The following CLSTN2 variants were observed in gnomAD, a reference collection of about 807,000 sequenced individuals.
The protein encoded by CLSTN2 is calsyntenin-2.
In CLSTN2, 48 loss-of-function variants were observed where a neutral mutation model predicts 101.2. That is an observed-to-expected ratio of 0.47 (90% CI 0.38 to 0.60). The LOEUF is 0.60. Among genes scored for constraint, CLSTN2 ranks in the 20% least tolerant of loss-of-function variants. The probability of loss-of-function intolerance (pLI) is 0.00; values close to 1 mark genes in which losing one functional copy is unlikely to be tolerated. For synonymous variants in CLSTN2, 481 were observed against 463.6 expected, an observed-to-expected ratio of 1.04 and a Z score of -0.48; for missense variants, 1,160 against 1,238.2, an observed-to-expected ratio of 0.94 and a Z score of 0.95.
intron 1 of CLSTN2, among the ~76,000 whole-genome samples, chr3:139,982,900 T>G (rs1293516076): frequency 1.3e-5 from 2 of 151,608 alleles, no homozygotes; most frequent in Non-Finnish European, 2.9e-5. Context: ...ATATTATAGA[T>G]TACAAAGGGT....
intron 8 of CLSTN2, among the ~76,000 whole-genome samples, chr3:140,503,826 C>T (rs1252830236): frequency 6.6e-6 from 1 of 152,160 alleles, no homozygotes; most frequent in African/African-American, 2.4e-5. Context: ...TAGAAGTTTA[C>T]CCTCACATGA....
chr3:140,200,701 C>T (rs189110700), intron 2 of CLSTN2, among the ~76,000 whole-genome samples: 3 of 152,228 alleles, frequency 2.0e-5, no homozygotes, highest in Admixed American at 1.3e-4. Context: ...TATAATCAAA[C>T]ATTTGAAAGA....
At chr3:140,472,220 C>T (rs773684236) in intron 8 of CLSTN2, among the ~76,000 whole-genome samples, 5 of 152,128 alleles carry the variant, frequency 3.3e-5, no homozygotes, top group Non-Finnish European at 5.9e-5. Context: ...AGTCACAGCC[C>T]GAGTTCCCCA....
chr3:140,100,231 C>T (rs1347024834), intron 1 of CLSTN2, among the ~76,000 whole-genome samples: 1 of 151,816 alleles, frequency 6.6e-6, no homozygotes, highest in Non-Finnish European at 1.5e-5. Context: ...GATGACTCCC[C>T]TCATCTATTG....
intron 2 of CLSTN2, among the ~76,000 whole-genome samples, chr3:140,399,385 C>G (rs1458408033): frequency 2.0e-5 from 3 of 152,182 alleles, no homozygotes; most frequent in Admixed American, 6.5e-5. Flanking sequence ...TTTTAAATAT[C>G]TTTCTATCTA....
chr3:140,188,138 G>A (rs1227087190), intron 2 of CLSTN2, among the ~76,000 whole-genome samples: 4 of 152,172 alleles, frequency 2.6e-5, no homozygotes, highest in Admixed American at 1.3e-4. Context: ...CACTGAGTAG[G>A]TGCTCAAAGT....
chr3:140,326,864 G>C (rs540791977), intron 2 of CLSTN2, among the ~76,000 whole-genome samples: 2 of 152,152 alleles, frequency 1.3e-5, no homozygotes, highest in Non-Finnish European at 2.9e-5. Flanking sequence ...ACTCGCTTTA[G>C]ACATCTCTTT....
chr3:140,401,448 G>A (rs1431338899), intron 2 of CLSTN2, among the ~76,000 whole-genome samples: 1 of 152,164 alleles, frequency 6.6e-6, no homozygotes, highest in Non-Finnish European at 1.5e-5. Flanking sequence ...GAATTGTTCC[G>A]TAGATGGAAA....
intron 2 of CLSTN2, among the ~76,000 whole-genome samples, chr3:140,291,418 C>T (rs2086330): frequency 0.03 from 4,603 of 151,806 alleles, 134 homozygotes; most frequent in South Asian, 0.081. Context: ...TCTGCTGGAC[C>T]TCTCCCATCA....
At chr3:140,055,615 T>C (rs2008082179) in intron 1 of CLSTN2, among the ~76,000 whole-genome samples, 1 of 152,188 alleles carries the variant, frequency 6.6e-6, no homozygotes, top group Non-Finnish European at 1.5e-5. Flanking sequence ...ATTAAAACAA[T>C]AAAACTAAAG....
intron 8 of CLSTN2, among the ~76,000 whole-genome samples, chr3:140,500,120 C>T (rs566102013): frequency 6.6e-6 from 1 of 152,020 alleles, no homozygotes; most frequent in African/African-American, 2.4e-5. Flanking sequence ...AATTAGGGAA[C>T]TTCATGGGGA....
chr3:140,176,860 A>G (rs186048488), intron 2 of CLSTN2, among the ~76,000 whole-genome samples: 3 of 152,346 alleles, frequency 2.0e-5, no homozygotes, highest in Non-Finnish European at 4.4e-5. Flanking sequence ...AAGGTTTTCA[A>G]GATTTCTAGA....
chr3:140,046,543 T>A (rs867278811), intron 1 of CLSTN2, among the ~76,000 whole-genome samples: 1 of 152,224 alleles, frequency 6.6e-6, no homozygotes, highest in South Asian at 2.1e-4. Flanking sequence ...TGTGTGAATT[T>A]GATCCTGTCA....
chr3:140,134,471 G>A (rs73868739), intron 1 of CLSTN2, among the ~76,000 whole-genome samples: 2,314 of 152,118 alleles, frequency 0.015, 66 homozygotes, highest in African/African-American at 0.054. Context: ...GCAACCATGC[G>A]TGGGGCTCAT....
chr3:140,134,183 C>A (rs888253970), intron 1 of CLSTN2, among the ~76,000 whole-genome samples: 1 of 152,172 alleles, frequency 6.6e-6, no homozygotes, highest in African/African-American at 2.4e-5. Context: ...TCCTCTAAAT[C>A]TGTTTCCTCA....
At chr3:140,266,579 A>G (rs1362526655) in intron 2 of CLSTN2, among the ~76,000 whole-genome samples, 1 of 152,212 alleles carries the variant, frequency 6.6e-6, no homozygotes, top group Non-Finnish European at 1.5e-5. Flanking sequence ...AAAGCTCATC[A>G]TTAGCTTTAA....
intron 1 of CLSTN2, among the ~76,000 whole-genome samples, chr3:139,950,271 C>A (rs141277937): frequency 6.6e-6 from 1 of 152,132 alleles, no homozygotes; most frequent in South Asian, 2.1e-4. Flanking sequence ...TCAACCAAAC[C>A]AAAATCCTGA....
At chr3:140,439,766 C>T (rs1423805952) in intron 5 of CLSTN2, among the ~76,000 whole-genome samples, 10 of 151,740 alleles carry the variant, frequency 6.6e-5, no homozygotes, top group Non-Finnish European at 1.2e-4. Context: ...CACACACACA[C>T]ACAGCAGCCA....
At chr3:140,259,487 A>G (rs1211213688) in intron 2 of CLSTN2, among the ~76,000 whole-genome samples, 15 of 152,198 alleles carry the variant, frequency 9.9e-5, no homozygotes, top group Admixed American at 3.3e-4. Context: ...AAAACAAAAC[A>G]AAACAAAAAA....
Sources: allele counts gnomAD v4.1 joint callset (sites outside exome capture counted in the v4.1 genomes callset), GRCh38; gene constraint gnomAD v4.1.1; transcripts MANE v1.5; gene names NCBI Gene and HGNC (gene_info 2026-07-23, HGNC 2026-07-21).